IFNAR2: variants seen among roughly 807,000 people sequenced by gnomAD.
IFNAR2 encodes the protein interferon alpha/beta receptor 2.
In IFNAR2, 30 loss-of-function variants were observed where a neutral mutation model predicts 49.4. The observed-to-expected ratio is 0.61, with a 90% CI of 0.45 to 0.82. The LOEUF (loss-of-function observed/expected upper bound fraction) is 0.82, where lower values mean the gene tolerates loss of function less well. IFNAR2 is among the 40% of genes least tolerant of loss of function. The pLI is 0.00. For synonymous variants in IFNAR2, 224 were observed against 234.5 expected (o/e 0.96, Z 0.41); for missense variants, 600 against 622.7 (o/e 0.96, Z 0.39).
chr21:33,262,430 A>G (rs1988664990), intron 8 of IFNAR2: 1 of 568,514 alleles, frequency 1.8e-6, no homozygotes, highest in African/African-American at 1.9e-5. Context: ...AAGGTAAATT[A>G]TATATAAAGC....
intron 7 of IFNAR2, 59 bp from the exon 8 acceptor site, chr21:33,260,538 C>T (rs1030726377): frequency 1.3e-6 from 2 of 1,499,258 alleles, no homozygotes; most frequent in African/African-American, 2.9e-5. Flanking sequence ...ACATTTATTT[C>T]CATCTGCAAT....
At position 33,263,797 on chromosome 21, in the gene IFNAR2, G is replaced by C. The variant is rs1402286897; in HGVS notation, c.*297G>C. ...CTGCATCATGTCTACCAGGGAGCAGGGTTCCCCACAGTTTCAGAGGTGGTC... is the reference window on the plus strand; with the variant it reads ...CTGCATCATGTCTACCAGGGAGCAGCGTTCCCCACAGTTTCAGAGGTGGTC... On this transcript the variant is annotated 3_prime_UTR_variant, in exon 9 of 9. Coordinates refer to ENST00000342136, the MANE Select transcript of IFNAR2 (RefSeq NM_001289125.3). 8.6e-6 allele frequency: 3 copies of C among 347,202 alleles called. No individual in the cohort carries two copies. The highest frequency in any genetic ancestry group is 9.0e-5 in the Admixed American group (2 of 22,202). The allele number at this position is 347,202 out of a possible 1,614,324, so 21.5% of individuals were successfully genotyped here.
At chr21:33,238,627 T>C (rs1245667869) in intron 1 of IFNAR2, among the ~76,000 whole-genome samples, 2 of 152,048 alleles carry the variant, frequency 1.3e-5, no homozygotes, top group Non-Finnish European at 2.9e-5. Flanking sequence ...AAAATACCTT[T>C]AAATCTGAAA....
intron 6 of IFNAR2, chr21:33,251,722 A>G (rs1987849164): frequency 2.0e-6 from 2 of 985,178 alleles, no homozygotes; most frequent in Middle Eastern, 5.2e-4. Context: ...TATTCATGAA[A>G]GAGCCTTCAT....
intron 7 of IFNAR2, among the ~76,000 whole-genome samples, chr21:33,253,580 A>G (rs1306895389): frequency 1.3e-5 from 2 of 152,192 alleles, no homozygotes; most frequent in Non-Finnish European, 1.5e-5. Flanking sequence ...CTTGCGCAAG[A>G]AAGAATTCAG....
intron 7 of IFNAR2, 69 bp from the exon 8 acceptor site, chr21:33,260,528 A>G: frequency 6.9e-7 from 1 of 1,446,942 alleles, no homozygotes; most frequent in Non-Finnish European, 9.3e-7. Flanking sequence ...AGGCCAATGT[A>G]CATTTATTTC....
At chr21:33,234,668 GGTTTGTCT>G in intron 1 of IFNAR2, 1 of 428,354 alleles carries the variant, frequency 2.3e-6, no homozygotes, top group Non-Finnish European at 2.8e-6. Context: ...AAATTGGCAG[GGTTTGTCT>G]GGTCTCAGGG....
intron 7 of IFNAR2, among the ~76,000 whole-genome samples, chr21:33,253,042 C>T (rs960770965): frequency 1.3e-5 from 2 of 152,152 alleles, no homozygotes; most frequent in Non-Finnish European, 1.5e-5. Context: ...TCAGATACTA[C>T]TCGATGAGAT....
chr21:33,250,151 A>C (rs1208768734), intron 6 of IFNAR2, among the ~76,000 whole-genome samples: 1 of 152,198 alleles, frequency 6.6e-6, no homozygotes, highest in Non-Finnish European at 1.5e-5. Context: ...TTTTCTTTTA[A>C]TATCGACATG....
rs1286095475 is a variant in IFNAR2, at chr21:33,262,869, A to G, written c.917A>G (p.Tyr306Cys). The change falls in exon 9 of 9, where the codon TAC (tyrosine) becomes TGC (cysteine). Residue 306 changes from tyrosine (Y) to cysteine (C), a missense_variant. Physicochemically the swap from Tyr to Cys is radical, Grantham distance 194 (BLOSUM62 -2). Coordinates refer to ENST00000342136, the MANE Select transcript of IFNAR2 (RefSeq NM_001289125.3). Reference protein sequence around the residue: ...LEAMDMVEVIYINRKKKVWDY... With the variant: ...LEAMDMVEVICINRKKKVWDY... ...GCCATGGATATGGTGGAGGTCATTT[A>G]CATCAACAGAAAGAAGAAAGTGTGG... 1.2e-6 allele frequency: 2 copies of G among 1,613,616 alleles called. No individual in the cohort carries two copies. The highest frequency in any genetic ancestry group is 1.7e-6 in the Non-Finnish European group (2 of 1,179,926).
intron 7 of IFNAR2, among the ~76,000 whole-genome samples, chr21:33,260,226 G>T (rs970417163): frequency 6.6e-6 from 1 of 152,154 alleles, no homozygotes; most frequent in African/African-American, 2.4e-5. Context: ...TGCCCGCAGC[G>T]CATGCTAACC....
intron 7 of IFNAR2, among the ~76,000 whole-genome samples, chr21:33,256,424 A>G (rs1357233877): frequency 6.6e-6 from 1 of 152,188 alleles, no homozygotes; most frequent in Admixed American, 6.5e-5. Context: ...CTCTGTCACT[A>G]TCTGCTTGCC....
intron 1 of IFNAR2, among the ~76,000 whole-genome samples, chr21:33,237,050 C>T (rs1054226600): frequency 7.1e-6 from 1 of 141,326 alleles, no homozygotes; most frequent in African/African-American, 2.6e-5. Flanking sequence ...GGAAGGAAGC[C>T]ATCCCCTGGC....
chr21:33,260,807 A>G, intron 8 of IFNAR2, 80 bp downstream of exon 8: 2 of 887,144 alleles, frequency 2.3e-6, no homozygotes, highest in Non-Finnish European at 3.2e-6. Context: ...TTATATAAAT[A>G]TTTTCACAGA....
chr21:33,263,488 TATA>T lies in IFNAR2; in HGVS notation c.1539_1541del (p.Ile513del). 1 of 1,608,194 alleles carries T rather than the reference TATA, an allele frequency of 6.2e-7. No homozygotes were observed. Among genetic ancestry groups the T allele is most frequent in the Non-Finnish European group, 8.5e-7 (1 of 1,177,028 alleles). Reference sequence around the variant, plus strand: ...CAGATGTTGACCTTGGGGATGGTTATATAATGAGATGACTCCAAAACTATTGAA... The same window carrying T: ...CAGATGTTGACCTTGGGGATGGTTATATGAGATGACTCCAAAACTATTGAA... On this transcript the variant is annotated inframe_deletion, in exon 9 of 9. Transcript: ENST00000342136.
chr21:33,235,577 C>G, intron 1 of IFNAR2, among the ~76,000 whole-genome samples: 1 of 152,144 alleles, frequency 6.6e-6, no homozygotes, highest in Non-Finnish European at 1.5e-5. Flanking sequence ...TTTTCTTCCA[C>G]AGTCTCTCTC....
intron 3 of IFNAR2, among the ~76,000 whole-genome samples, chr21:33,244,354 C>T (rs1987227603): frequency 6.6e-6 from 1 of 152,196 alleles, no homozygotes; most frequent in Non-Finnish European, 1.5e-5. Flanking sequence ...AACTCAGTTT[C>T]ACAGTCTGTA....
chr21:33,240,177 G>A (rs1986815990), intron 1 of IFNAR2, among the ~76,000 whole-genome samples: 2 of 152,180 alleles, frequency 1.3e-5, no homozygotes, highest in African/African-American at 4.8e-5. Context: ...AACCCCTAAT[G>A]ATGTCTTGGG....
intron 8 of IFNAR2, among the ~76,000 whole-genome samples, chr21:33,261,465 CCTTTT>C (rs1186442324): frequency 3.9e-5 from 6 of 152,234 alleles, no homozygotes; most frequent in East Asian, 1.9e-4. Flanking sequence ...GATTTCTTTT[CCTTTT>C]CTTTTCTTTG....
Sources: gnomAD v4.1 joint callset for allele counts (sites outside exome capture counted in the v4.1 genomes callset) on GRCh38, gnomAD v4.1.1 for gene constraint, MANE v1.5 for transcripts, NCBI Gene and HGNC (gene_info 2026-07-23, HGNC 2026-07-21) for gene names.